The following ANAPC10 variants were observed in gnomAD, a reference collection of about 807,000 sequenced individuals.
ANAPC10 encodes the protein anaphase-promoting complex subunit 10.
Under a neutral mutation model 22.0 loss-of-function variants are expected in ANAPC10, and 12 were observed. The ratio of observed to expected loss-of-function variants is 0.55; its 90% CI spans 0.35 to 0.88. The LOEUF (loss-of-function observed/expected upper bound fraction) is 0.88, where lower values mean the gene tolerates loss of function less well. Ranked by LOEUF, ANAPC10 falls within the 40% of genes least tolerant of loss-of-function variation. ANAPC10 has a pLI of 0.01. For synonymous variants in ANAPC10, 65 were observed against 69.5 expected (o/e 0.94, Z 0.32); for missense variants, 188 against 220.9 (o/e 0.85, Z 0.94).
At chr4:145,055,356 G>A (rs999138190) in intron 4 of ANAPC10, among the ~76,000 whole-genome samples, 3 of 152,236 alleles carry the variant, frequency 2.0e-5, no homozygotes, top group Admixed American at 1.3e-4. Flanking sequence ...TCAGGAGTTC[G>A]AGACTAGCCT....
At chr4:145,035,351 A>G (rs1738354614) in intron 4 of ANAPC10, 1 of 152,254 alleles carries the variant, frequency 6.6e-6, no homozygotes, top group Admixed American at 6.5e-5. Context: ...TCCCTCACAG[A>G]ATCCCCAAAC....
chr4:145,049,977 C>T (rs1224136074), intron 4 of ANAPC10, among the ~76,000 whole-genome samples: 2 of 152,174 alleles, frequency 1.3e-5, no homozygotes, highest in African/African-American at 4.8e-5. Context: ...TCAACTTCTT[C>T]CAAACTAATG....
At chr4:145,011,664 A>G (rs1213730088) in intron 4 of ANAPC10, among the ~76,000 whole-genome samples, 1 of 152,160 alleles carries the variant, frequency 6.6e-6, no homozygotes, top group Non-Finnish European at 1.5e-5. Context: ...TTGAAGTCAG[A>G]GAAACATGCA....
chr4:145,002,018 G>A (rs558773905), intron 4 of ANAPC10, among the ~76,000 whole-genome samples: 1 of 152,256 alleles, frequency 6.6e-6, no homozygotes, highest in South Asian at 2.1e-4. Flanking sequence ...AAGAAGGAAG[G>A]AAAAACTACT....
At chr4:145,006,625 A>C (rs1374123372) in intron 4 of ANAPC10, among the ~76,000 whole-genome samples, 1 of 152,184 alleles carries the variant, frequency 6.6e-6, no homozygotes, top group East Asian at 1.9e-4. Flanking sequence ...GTAGGTCAAA[A>C]ATAAAACGAC....
At chr4:145,062,345 G>A (rs1416712367) in intron 4 of ANAPC10, among the ~76,000 whole-genome samples, 2 of 151,364 alleles carry the variant, frequency 1.3e-5, no homozygotes, top group East Asian at 1.9e-4. Flanking sequence ...GGTGGCTCAC[G>A]CCTGTAATCC....
rs1181946822 is a variant in ANAPC10, at chr4:145,081,676, C to T, written c.190G>A (p.Val64Met). 1 of 1,610,518 alleles carries T rather than the reference C, an allele frequency of 6.2e-7. No individual in the cohort carries two copies. Among genetic ancestry groups the T allele is most frequent in the South Asian group, 1.1e-5 (1 of 90,020 alleles). Residue 64 changes from valine (V) to methionine (M), a missense_variant, in exon 3 of 5, where the codon GTG becomes ATG. Physicochemically the swap from Val to Met is conservative, Grantham distance 21. Transcript: ENST00000507656. ...WQSDGSQPHL[V>M]NIQFRRKTTV... ...ATTAATTACCTGAATTGGATGTTCA[C>T]TAAATGAGGCTGGGAACCATCTGAT...
At chr4:145,044,468 T>C (rs1579017467) in intron 4 of ANAPC10, among the ~76,000 whole-genome samples, 1 of 152,080 alleles carries the variant, frequency 6.6e-6, no homozygotes, top group East Asian at 1.9e-4. Context: ...TTGCATTTCC[T>C]TCCCCCCAAC....
chr4:145,048,247 T>A (rs1257365814), intron 4 of ANAPC10, among the ~76,000 whole-genome samples: 1 of 152,116 alleles, frequency 6.6e-6, no homozygotes, highest in African/African-American at 2.4e-5. Flanking sequence ...GCTACATGAG[T>A]GATCAAGATG....
intron 4 of ANAPC10, among the ~76,000 whole-genome samples, chr4:145,061,240 A>G (rs1742843373): frequency 6.6e-6 from 1 of 152,200 alleles, no homozygotes; most frequent in Non-Finnish European, 1.5e-5. Flanking sequence ...ATGACATAAT[A>G]GAAGCAAAGA....
At chr4:145,054,305 A>G (rs2126353102) in intron 4 of ANAPC10, among the ~76,000 whole-genome samples, 1 of 150,090 alleles carries the variant, frequency 6.7e-6, no homozygotes. Flanking sequence ...TAATTCCAGC[A>G]CTTTGGGAGG....
intron 4 of ANAPC10, among the ~76,000 whole-genome samples, chr4:145,029,652 T>C (rs927306345): frequency 1.3e-5 from 2 of 152,148 alleles, no homozygotes; most frequent in African/African-American, 2.4e-5. Context: ...AAGGTTCTAA[T>C]AGGTTATTTC....
chr4:145,002,849 A>G (rs889485148), intron 4 of ANAPC10, among the ~76,000 whole-genome samples: 14 of 152,018 alleles, frequency 9.2e-5, no homozygotes, highest in African/African-American at 3.1e-4. Context: ...TTTTGTTGTA[A>G]AAGGCTAAAT....
intron 4 of ANAPC10, among the ~76,000 whole-genome samples, chr4:145,062,130 G>A (rs2126448193): frequency 6.6e-6 from 1 of 151,922 alleles, no homozygotes; most frequent in Admixed American, 6.6e-5. Flanking sequence ...AGCACTGGGT[G>A]AATAGAAAAA....
chr4:145,037,034 GTGTGTA>G (rs746271826), intron 4 of ANAPC10, among the ~76,000 whole-genome samples: 4,783 of 131,856 alleles, frequency 0.036, 143 homozygotes, highest in Middle Eastern at 0.067. Context: ...GTGTGTGTGT[GTGTGTA>G]TGTGTGTGCA....
intron 2 of ANAPC10, among the ~76,000 whole-genome samples, chr4:145,086,660 T>A (rs1377189050): frequency 6.6e-6 from 1 of 152,072 alleles, no homozygotes; most frequent in Admixed American, 6.5e-5. Flanking sequence ...ACTGAATAAT[T>A]CTTTGTTCAG....
chr4:145,065,540 AT>A (rs942690997), intron 3 of ANAPC10, among the ~76,000 whole-genome samples: 2 of 152,150 alleles, frequency 1.3e-5, no homozygotes, highest in South Asian at 2.1e-4. Context: ...TCACTCAAAA[AT>A]TGATGTCTAA....
At chr4:145,034,594 A>C (rs1331624892) in intron 4 of ANAPC10, among the ~76,000 whole-genome samples, 1 of 146,150 alleles carries the variant, frequency 6.8e-6, no homozygotes, top group Non-Finnish European at 1.5e-5. Flanking sequence ...CCACATACAT[A>C]TCCTATATAT....
intron 4 of ANAPC10, chr4:145,035,541 T>C (rs1038597946): frequency 5.3e-5 from 8 of 152,304 alleles, no homozygotes; most frequent in African/African-American, 1.9e-4. Flanking sequence ...TCCTGCAGGC[T>C]CTCCAACTCC....
Sources: gnomAD v4.1 joint callset for allele counts (sites outside exome capture counted in the v4.1 genomes callset) on GRCh38, gnomAD v4.1.1 for gene constraint, MANE v1.5 for transcripts, NCBI Gene and HGNC (gene_info 2026-07-23, HGNC 2026-07-21) for gene names.